Variants in EHMT1 observed in about 807,000 individuals in gnomAD.
The protein encoded by EHMT1 is histone-lysine N-methyltransferase EHMT1.
EHMT1 carries 15 observed loss-of-function variants against 147.2 expected under a neutral mutation model. The ratio of observed to expected loss-of-function variants is 0.10; its 90% CI spans 0.07 to 0.16. EHMT1 has a LOEUF of 0.16. EHMT1 is among the 10% of genes least tolerant of loss of function. EHMT1 has a pLI of 1.00. For missense variants in EHMT1, 1,587 were observed against 1,772.4 expected, an observed-to-expected ratio of 0.90 and a Z score of 1.88; for synonymous variants, 795 against 709.6, an observed-to-expected ratio of 1.12 and a Z score of -1.91.
At chr9:137,738,776 T>A (rs1947786707) in intron 4 of EHMT1, 1 of 152,106 alleles carries the variant, frequency 6.6e-6, no homozygotes, top group African/African-American at 2.4e-5. Flanking sequence ...CTGTGCCGAA[T>A]GAAGTAAGTC....
At chr9:137,806,116 C>T (rs1435825857) in intron 18 of EHMT1, among the ~76,000 whole-genome samples, 4 of 152,126 alleles carry the variant, frequency 2.6e-5, no homozygotes, top group East Asian at 1.9e-4. Flanking sequence ...CATGGCACCA[C>T]GCCTGGCTAA....
intron 1 of EHMT1, among the ~76,000 whole-genome samples, chr9:137,693,129 C>A (rs925735928): frequency 6.6e-6 from 1 of 152,080 alleles, no homozygotes; most frequent in East Asian, 1.9e-4. Flanking sequence ...TTGTTAAACT[C>A]GTAGGGGAGA....
At chr9:137,821,832 T>C (rs1955445690) in intron 25 of EHMT1, among the ~76,000 whole-genome samples, 1 of 152,232 alleles carries the variant, frequency 6.6e-6, no homozygotes, top group South Asian at 2.1e-4. Flanking sequence ...TAGATCTTTC[T>C]TAATTACCCC....
In EHMT1 at chr9:137,775,128, G is replaced by A. The variant is rs980518162; in HGVS notation, c.1667G>A (p.Ser556Asn). 6 of 1,613,980 alleles carry A rather than the reference G, an allele frequency of 3.7e-6. No homozygotes were observed. The African/African-American group carries it at 6.7e-5, about 18-fold the overall frequency. ...VDHELGRCTN[S>N]VVKYELMRPS... is the part of the protein sequence containing the mutation. Reference sequence around the variant, plus strand: ...TTGCAGTTGGGCCGGTGCACAAACAGCGTGGTCAAGTATGAGCTGATGCGC... The same window carrying A: ...TTGCAGTTGGGCCGGTGCACAAACAACGTGGTCAAGTATGAGCTGATGCGC... Residue 556 changes from serine to asparagine, a missense_variant, in exon 11 of 27, where the codon AGC (serine) becomes AAC (asparagine). Ser to Asn is a conservative substitution (Grantham distance 46). Transcript: ENST00000460843. This position sits in a 1 kb window ranked among gnomAD's most constrained non-coding sequence, Gnocchi z 6.1.
rs794727979 is a variant in EHMT1, at chr9:137,757,935, C to T, written c.1425C>T (p.Asp475=). 9.3e-6 allele frequency: 15 copies of T among 1,614,054 alleles called. No individual in the cohort carries two copies. In the Middle Eastern group the frequency reaches 1.3e-3, roughly 142 times the overall value. Residue 475 remains aspartate, a synonymous_variant, in exon 9 of 27, where the codon GAC becomes GAT. Coordinates refer to ENST00000460843, the MANE Select transcript of EHMT1 (RefSeq NM_024757.5). ...GCGCTGAGCAGACGGCACCAGGAGA[C>T]AGCACAGGGTACATGGAAGTTTCTC... The part of the protein sequence containing the change: ...AGSAEQTAPG[D]STGYMEVSLD...
intron 1 of EHMT1, among the ~76,000 whole-genome samples, chr9:137,651,901 A>T (rs973294428): frequency 6.6e-6 from 1 of 152,182 alleles, no homozygotes; most frequent in South Asian, 2.1e-4. Flanking sequence ...AAACAAACCT[A>T]CTCTGCTATC....
At chr9:137,722,928 CTG>C (rs1319060304) in intron 3 of EHMT1, among the ~76,000 whole-genome samples, 1 of 136,312 alleles carries the variant, frequency 7.3e-6, no homozygotes, top group African/African-American at 2.9e-5. Context: ...CGGGGTGTGT[CTG>C]TGTCTGTGGT....
chr9:137,716,542 C>A (rs1945311959), intron 2 of EHMT1, 84 bp from the exon 3 acceptor site: 1 of 1,295,192 alleles, frequency 7.7e-7, no homozygotes, highest in Non-Finnish European at 1.0e-6. Flanking sequence ...GTGGTGGTGT[C>A]ATGGTGGGGG....
intron 2 of EHMT1, among the ~76,000 whole-genome samples, chr9:137,714,578 T>TA (rs1945035744): frequency 2.1e-5 from 3 of 142,532 alleles, no homozygotes; most frequent in East Asian, 2.0e-4. Context: ...TTTTTTTTTT[T>TA]AATGAGACCT....
chr9:137,682,170 A>G (rs750229348), intron 1 of EHMT1, among the ~76,000 whole-genome samples: 46 of 151,796 alleles, frequency 3.0e-4, no homozygotes, highest in Non-Finnish European at 5.6e-4. Flanking sequence ...GGATGGTCTC[A>G]ATCTCCTGAC....
intron 1 of EHMT1, among the ~76,000 whole-genome samples, chr9:137,703,870 T>C (rs1944037276): frequency 6.6e-6 from 1 of 152,180 alleles, no homozygotes; most frequent in Non-Finnish European, 1.5e-5. Flanking sequence ...TATTAGTCTG[T>C]TCTCACACTG....
intron 10 of EHMT1, among the ~76,000 whole-genome samples, chr9:137,771,197 C>CTTTTTTTTTTTTTTT (rs1189483493): frequency 9.4e-6 from 1 of 105,928 alleles, no homozygotes. Context: ...TCTTCCATGT[C>CTTTTTTTTTTTTTTT]TTTTTTTTTT....
chr9:137,835,517 G>A lies in EHMT1; in HGVS notation c.*564G>A, dbSNP rs1327461315. ...CACCACTAACTTTGGAGAAAATGTG[G>A]GTTTGCTTTTTAAAGGAATCCTATA... On this transcript the variant is annotated 3_prime_UTR_variant, in exon 27 of 27. Transcript: ENST00000460843. The A allele has an allele frequency of 1.3e-5, 2 of 152,506 alleles. No homozygotes were observed. Among genetic ancestry groups the A allele is most frequent in the Non-Finnish European group, 1.5e-5 (1 of 67,954 alleles). The allele number at this position is 152,506 out of a possible 1,614,324, so 9.4% of individuals were successfully genotyped here.
At chr9:137,644,948 C>T (rs1397711149) in intron 1 of EHMT1, among the ~76,000 whole-genome samples, 1 of 152,122 alleles carries the variant, frequency 6.6e-6, no homozygotes, top group Middle Eastern at 3.2e-3. Flanking sequence ...TCTCAGCTCA[C>T]TGCAGTCTCC....
At chr9:137,810,331 A>C (rs377507049) in intron 18 of EHMT1, among the ~76,000 whole-genome samples, 1 of 152,044 alleles carries the variant, frequency 6.6e-6, no homozygotes, top group Non-Finnish European at 1.5e-5. Context: ...AGGAGGCCTC[A>C]GTACCTGGGA....
intron 6 of EHMT1, among the ~76,000 whole-genome samples, chr9:137,750,746 A>G (rs3123513): frequency 0.19 from 28,794 of 152,218 alleles, 7,077 homozygotes; most frequent in African/African-American, 0.57. Flanking sequence ...ACCGGAGCTC[A>G]GGACGTGGCT....
At chr9:137,698,394 G>C (rs1588227946) in intron 1 of EHMT1, among the ~76,000 whole-genome samples, 1 of 152,204 alleles carries the variant, frequency 6.6e-6, no homozygotes, top group Admixed American at 6.5e-5. Context: ...GCCATTGTTT[G>C]CTCTGTCTTT....
chr9:137,679,879 C>A (rs1440274258), intron 1 of EHMT1, among the ~76,000 whole-genome samples: 1 of 152,152 alleles, frequency 6.6e-6, no homozygotes, highest in Non-Finnish European at 1.5e-5. Flanking sequence ...TCAGGGCTGT[C>A]AGGTATTTTT....
At chr9:137,621,525 C>T (rs1201836872) in intron 1 of EHMT1, among the ~76,000 whole-genome samples, 3 of 152,090 alleles carry the variant, frequency 2.0e-5, no homozygotes, top group African/African-American at 2.4e-5. Flanking sequence ...GGTTGAAACC[C>T]TGTCTCTACT....
Sources: allele counts gnomAD v4.1 joint callset (sites outside exome capture counted in the v4.1 genomes callset), GRCh38; gene constraint gnomAD v4.1.1; non-coding constraint Gnocchi (gnomAD v3.1); transcripts MANE v1.5; gene names NCBI Gene and HGNC (gene_info 2026-07-23, HGNC 2026-07-21).